TMEM114: variants seen among roughly 807,000 people sequenced by gnomAD.
The protein encoded by TMEM114 is transmembrane protein 114.
Under a neutral mutation model 6.2 loss-of-function variants are expected in TMEM114, and 6 were observed. That is an observed-to-expected ratio of 0.97 (90% CI 0.53 to 1.91). The LOEUF (loss-of-function observed/expected upper bound fraction) is 1.91, where lower values mean the gene tolerates loss of function less well. Among genes scored for constraint, TMEM114 ranks in the 40% most tolerant of loss-of-function variants. The probability of loss-of-function intolerance (pLI) is 0.01; values close to 1 mark genes in which losing one functional copy is unlikely to be tolerated. For missense variants in TMEM114, 218 were observed against 158.3 expected, an observed-to-expected ratio of 1.38 and a Z score of -2.02; for synonymous variants, 104 against 73.0, an observed-to-expected ratio of 1.42 and a Z score of -2.16.
rs995149352 is a variant in TMEM114, at chr16:8,559,393, C to A, written n.213-21567G>T. On this transcript the variant is annotated intron_variant and non_coding_transcript_variant, in intron 2 of 2. Coordinates refer to the TMEM114 transcript ENST00000623677. ...GCTGCTTCCATCGCACAGATCAGGA[C>A]CAACGTCCCAGCTGTGGAGAAAAAA... Among the ~76,000 whole-genome samples the A allele has an allele frequency of 2.1e-5, 3 of 144,190 alleles. No individual in the cohort carries two copies. In the South Asian group the frequency reaches 6.9e-4, roughly 33 times the overall value. 94.6% of individuals were successfully genotyped at this position (144,190 alleles called of 152,430 possible). A position where few individuals can be genotyped will look rare whatever the true frequency, so the allele number is the denominator to read the frequency against.
At chr16:8,548,217 C>T (rs909091307) in intron 2 of TMEM114, among the ~76,000 whole-genome samples, 3 of 152,192 alleles carry the variant, frequency 2.0e-5, no homozygotes, top group African/African-American at 7.2e-5. Flanking sequence ...CTCTCCACCC[C>T]TGGATTTTCT....
At chr16:8,553,013 A>G (rs1900894079) in intron 2 of TMEM114, among the ~76,000 whole-genome samples, 1 of 152,182 alleles carries the variant, frequency 6.6e-6, no homozygotes, top group Non-Finnish European at 1.5e-5. Context: ...GGCTCTGCTC[A>G]CTTGCTAATC....
At chr16:8,570,522 G>T (rs1901701127) in intron 3 of TMEM114, among the ~76,000 whole-genome samples, 1 of 152,134 alleles carries the variant, frequency 6.6e-6, no homozygotes, top group African/African-American at 2.4e-5. Context: ...AGTAGAGACA[G>T]GGTTTCACCA....
At chr16:8,562,040 A>ATGAG (rs1420352510) in intron 2 of TMEM114, among the ~76,000 whole-genome samples, 1 of 147,206 alleles carries the variant, frequency 6.8e-6, no homozygotes, top group Admixed American at 6.7e-5. Flanking sequence ...GAGTGAGTAA[A>ATGAG]TGAGTGAGTG....
chr16:8,561,106 G>A (rs1208598275), intron 2 of TMEM114, among the ~76,000 whole-genome samples: 1 of 152,142 alleles, frequency 6.6e-6, no homozygotes, highest in Non-Finnish European at 1.5e-5. Context: ...CTCGCACAGG[G>A]TCCCTCCTGG....
intron 2 of TMEM114, among the ~76,000 whole-genome samples, chr16:8,572,975 C>T (rs1168505953): frequency 2.0e-5 from 3 of 152,176 alleles, no homozygotes; most frequent in Non-Finnish European, 2.9e-5. Flanking sequence ...ATCCTTCTCC[C>T]AAGGCTGGCT....
the TMEM114 span, among the ~76,000 whole-genome samples, chr16:8,527,571 T>G: frequency 6.6e-6 from 1 of 152,126 alleles, no homozygotes; most frequent in Non-Finnish European, 1.5e-5. Flanking sequence ...ATTTTGCGTG[T>G]TTTTAGCCAG....
At chr16:8,544,564 T>C (rs1193232010) in intron 2 of TMEM114, among the ~76,000 whole-genome samples, 1 of 152,174 alleles carries the variant, frequency 6.6e-6, no homozygotes, top group African/African-American at 2.4e-5. Context: ...GACCAACCTG[T>C]TGAAATGAGG....
intron 2 of TMEM114, among the ~76,000 whole-genome samples, chr16:8,587,825 A>C (rs1902361730): frequency 6.6e-6 from 1 of 152,194 alleles, no homozygotes; most frequent in African/African-American, 2.4e-5. Flanking sequence ...CCTGGGCAAC[A>C]GAACAAGACC....
chr16:8,537,152 C>T (rs1900384524), downstream of TMEM114, among the ~76,000 whole-genome samples: 1 of 151,980 alleles, frequency 6.6e-6, no homozygotes, highest in Non-Finnish European at 1.5e-5. Flanking sequence ...CTGCAGAGAG[C>T]TGTGATTGCA....
intron 2 of TMEM114, among the ~76,000 whole-genome samples, chr16:8,575,114 T>C (rs1369298384): frequency 1.3e-5 from 2 of 152,098 alleles, no homozygotes; most frequent in Non-Finnish European, 2.9e-5. Context: ...ACTTGGGAAG[T>C]GGTGGATATG....
At chr16:8,535,207 G>A (rs1297587818), downstream of TMEM114, among the ~76,000 whole-genome samples, 1 of 151,926 alleles carries the variant, frequency 6.6e-6, no homozygotes, top group African/African-American at 2.4e-5. Flanking sequence ...ATAAAATGCA[G>A]TCATAGATAC....
chr16:8,549,169 G>C lies in TMEM114; in HGVS notation n.213-11343C>G, dbSNP rs1039385325. On this transcript the variant is annotated intron_variant and non_coding_transcript_variant, in intron 2 of 2. Coordinates refer to the TMEM114 transcript ENST00000623677. ...TGCACTGCAGCCTGGGCAACAGAAC[G>C]AGACTCCATCTCAAAAAAAAAAAAA... 4.2e-5 allele frequency among the ~76,000 whole-genome samples: 5 copies of C among 117,962 alleles called. No individual in the cohort carries two copies. In the South Asian group the frequency reaches 8.5e-4, roughly 20 times the overall value. 77.4% of individuals were successfully genotyped at this position (117,962 alleles called of 152,430 possible).
intron 2 of TMEM114, among the ~76,000 whole-genome samples, chr16:8,561,837 TG>T (rs1901216584): frequency 6.7e-6 from 1 of 149,424 alleles, no homozygotes; most frequent in Non-Finnish European, 1.5e-5. Flanking sequence ...AGTGAGTGAA[TG>T]AGTGAGTGAA....
chr16:8,542,673 C>G (rs1205465604), intron 2 of TMEM114, among the ~76,000 whole-genome samples: 1 of 151,964 alleles, frequency 6.6e-6, no homozygotes, highest in Non-Finnish European at 1.5e-5. Flanking sequence ...AAATAAGCAA[C>G]CTAGGTGCAC....
At chr16:8,549,581 C>A (rs1380300169) in intron 2 of TMEM114, among the ~76,000 whole-genome samples, 1 of 151,282 alleles carries the variant, frequency 6.6e-6, no homozygotes, top group African/African-American at 2.4e-5. Flanking sequence ...CACATACATT[C>A]TGTTTAAAGT....
At chr16:8,550,375 G>A (rs1900802070) in intron 2 of TMEM114, among the ~76,000 whole-genome samples, 1 of 152,152 alleles carries the variant, frequency 6.6e-6, no homozygotes, top group African/African-American at 2.4e-5. Context: ...CGTGTTCTCT[G>A]GAATCTAAAA....
At chr16:8,561,674 T>C (rs1901205728) in intron 2 of TMEM114, among the ~76,000 whole-genome samples, 1 of 152,200 alleles carries the variant, frequency 6.6e-6, no homozygotes, top group South Asian at 2.1e-4. Flanking sequence ...AATGAGTGAA[T>C]AAATGAATGA....
chr16:8,587,620 T>A (rs1359458037), intron 2 of TMEM114, among the ~76,000 whole-genome samples: 1 of 152,166 alleles, frequency 6.6e-6, no homozygotes, highest in Non-Finnish European at 1.5e-5. Context: ...AGAATGGGGC[T>A]GGAGAGGGAC....
Sources: gnomAD v4.1 joint callset for allele counts (sites outside exome capture counted in the v4.1 genomes callset) on GRCh38, gnomAD v4.1.1 for gene constraint, MANE v1.5 for transcripts, NCBI Gene and HGNC (gene_info 2026-07-23, HGNC 2026-07-21) for gene names.